RAI14: variants seen among roughly 807,000 people sequenced by gnomAD.
RAI14 encodes ankycorbin.
In RAI14, 45 loss-of-function variants were observed where a neutral mutation model predicts 115.4. That is an observed-to-expected ratio of 0.39 (90% confidence interval 0.31 to 0.50). The LOEUF (loss-of-function observed/expected upper bound fraction) is 0.50, where lower values mean the gene tolerates loss of function less well. RAI14 is among the 20% of genes least tolerant of loss of function. The pLI, the probability that RAI14 is intolerant of heterozygous loss-of-function variation, is 0.85. For missense variants in RAI14, 939 were observed against 1,131.2 expected, an observed-to-expected ratio of 0.83 and a Z score of 2.44; for synonymous variants, 371 against 415.4, an observed-to-expected ratio of 0.89 and a Z score of 1.30.
chr5:34,797,780 G>A (rs1753713687), intron 4 of RAI14, among the ~76,000 whole-genome samples: 1 of 152,092 alleles, frequency 6.6e-6, no homozygotes, highest in Non-Finnish European at 1.5e-5. Context: ...AAACCACATG[G>A]TGCAGTATGA....
chr5:34,707,569 T>A (rs1389637136), intron 2 of RAI14, among the ~76,000 whole-genome samples: 1 of 152,228 alleles, frequency 6.6e-6, no homozygotes, highest in Non-Finnish European at 1.5e-5. Flanking sequence ...TTGTGTCCAC[T>A]GATAATTGCT....
At chr5:34,719,615 G>C (rs1403638219) in intron 2 of RAI14, among the ~76,000 whole-genome samples, 2 of 152,144 alleles carry the variant, frequency 1.3e-5, no homozygotes, top group Non-Finnish European at 2.9e-5. Flanking sequence ...TTGCACGCTG[G>C]ACTAAAAGCT....
intron 2 of RAI14, chr5:34,688,440 T>G: frequency 3.6e-4 from 146 of 410,256 alleles, no homozygotes; most frequent in Middle Eastern, 7.2e-4. Flanking sequence ...AGAGGAATGA[T>G]AGGCACATAA....
chr5:34,791,913 A>C lies in RAI14; in HGVS notation c.168-4026A>C, dbSNP rs1165907031. ...GGGAGGAGATGATGCCCTGAACCCC[A>C]TCGTCATTCTCACTGGGCAAGCCCA... On this transcript the variant is annotated intron_variant, in intron 3 of 17. Transcript: ENST00000265109. This position sits in a 1 kb window ranked among gnomAD's most constrained non-coding sequence, Gnocchi z 5.4. Among the ~76,000 whole-genome samples the C allele has an allele frequency of 1.3e-5, 2 of 152,164 alleles. No homozygotes were observed. The highest frequency in any genetic ancestry group is 2.9e-5 in the Non-Finnish European group (2 of 68,020).
chr5:34,705,728 A>G (rs1180479950), intron 2 of RAI14, among the ~76,000 whole-genome samples: 1 of 151,826 alleles, frequency 6.6e-6, no homozygotes, highest in Non-Finnish European at 1.5e-5. Flanking sequence ...GCTCACTGCA[A>G]CCTCCGCCTC....
intron 2 of RAI14, among the ~76,000 whole-genome samples, chr5:34,707,545 C>T (rs1740854447): frequency 6.6e-6 from 1 of 152,070 alleles, no homozygotes; most frequent in Non-Finnish European, 1.5e-5. Context: ...AGTCCCTCTG[C>T]TCCTCATCCA....
At chr5:34,801,806 C>T (rs761754038) in intron 4 of RAI14, among the ~76,000 whole-genome samples, 4 of 151,992 alleles carry the variant, frequency 2.6e-5, no homozygotes, top group African/African-American at 9.7e-5. Flanking sequence ...AATGGTGGCT[C>T]ACGCCTGTAA....
intron 2 of RAI14, among the ~76,000 whole-genome samples, chr5:34,744,443 C>A (rs567358593): frequency 6.6e-6 from 1 of 152,326 alleles, no homozygotes; most frequent in East Asian, 1.9e-4. Context: ...ATTCAGACCT[C>A]AGAGTTCCCA....
At chr5:34,818,376 C>T (rs770744542) in intron 12 of RAI14, among the ~76,000 whole-genome samples, 3 of 152,158 alleles carry the variant, frequency 2.0e-5, no homozygotes, top group Admixed American at 6.5e-5. Flanking sequence ...AAAAAATCTG[C>T]TTTAAAATAT....
At chr5:34,676,134 A>C (rs1743958886) in intron 1 of RAI14, among the ~76,000 whole-genome samples, 1 of 152,204 alleles carries the variant, frequency 6.6e-6, no homozygotes, top group African/African-American at 2.4e-5. Context: ...TTTCACCAAT[A>C]ATGTTTGAGG....
chr5:34,788,484 CT>C (rs1429993776), intron 3 of RAI14, among the ~76,000 whole-genome samples: 1 of 152,108 alleles, frequency 6.6e-6, no homozygotes, highest in African/African-American at 2.4e-5. Context: ...AAGGCAGGAA[CT>C]TTGTTTTATT....
At chr5:34,812,059 T>TG in intron 9 of RAI14, 114 bp downstream of exon 9, 2 of 1,278,280 alleles carry the variant, frequency 1.6e-6, no homozygotes, top group Non-Finnish European at 2.2e-6. Context: ...AACATATTCT[T>TG]GAAAAAAAAA....
intron 2 of RAI14, among the ~76,000 whole-genome samples, chr5:34,754,980 T>C (rs142532744): frequency 6.6e-6 from 1 of 152,334 alleles, no homozygotes; most frequent in East Asian, 1.9e-4. Context: ...CCTTTTGATC[T>C]TCCCAGTCCA....
intron 2 of RAI14, chr5:34,733,225 G>A (rs912437214): frequency 2.6e-5 from 4 of 152,160 alleles, no homozygotes; most frequent in Admixed American, 2.6e-4. Flanking sequence ...ACTTCCCAGA[G>A]CACAGGGCTT....
intron 2 of RAI14, among the ~76,000 whole-genome samples, chr5:34,730,366 G>A (rs1744020486): frequency 6.6e-6 from 1 of 152,146 alleles, no homozygotes; most frequent in African/African-American, 2.4e-5. Context: ...GGAATTTTAT[G>A]TATCTTATAA....
intron 1 of RAI14, among the ~76,000 whole-genome samples, chr5:34,659,338 G>C (rs1262643854): frequency 6.6e-6 from 1 of 152,180 alleles, no homozygotes; most frequent in Non-Finnish European, 1.5e-5. Flanking sequence ...CGTGATCACT[G>C]CTCACTACAG....
intron 2 of RAI14, among the ~76,000 whole-genome samples, chr5:34,700,300 C>T (rs1739904302): frequency 6.6e-6 from 1 of 152,082 alleles, no homozygotes; most frequent in African/African-American, 2.4e-5. Flanking sequence ...GTTTTGTAAG[C>T]TCTGGTCAGT....
intron 2 of RAI14, among the ~76,000 whole-genome samples, chr5:34,757,078 G>A (rs565124234): frequency 3.3e-5 from 5 of 152,272 alleles, no homozygotes; most frequent in Admixed American, 2.6e-4. Context: ...TCTGTAACAC[G>A]GTGGACAGAG....
At chr5:34,666,426 C>T (rs1743220748) in intron 1 of RAI14, among the ~76,000 whole-genome samples, 1 of 152,182 alleles carries the variant, frequency 6.6e-6, no homozygotes, top group Admixed American at 6.5e-5. Flanking sequence ...TTCACTTTGC[C>T]TTTTTCTTCT....
Sources: gnomAD v4.1 joint callset for allele counts (sites outside exome capture counted in the v4.1 genomes callset) on GRCh38, gnomAD v4.1.1 for gene constraint, Gnocchi (gnomAD v3.1) non-coding constraint, MANE v1.5 for transcripts, NCBI Gene and HGNC (gene_info 2026-07-23, HGNC 2026-07-21) for gene names.